The following CENPT variants were observed in gnomAD, a reference collection of about 807,000 sequenced individuals.
CENPT encodes centromere protein T.
Under a neutral mutation model 59.7 loss-of-function variants are expected in CENPT, and 42 were observed. The observed-to-expected ratio is 0.70, with a 90% confidence interval of 0.55 to 0.91. The LOEUF (loss-of-function observed/expected upper bound fraction) is 0.91. Among genes scored for constraint, CENPT ranks in the 40% least tolerant of loss-of-function variants. The pLI is 0.00. For synonymous variants in CENPT, 295 were observed against 289.6 expected (o/e 1.02, Z -0.19); for missense variants, 716 against 713.4 (o/e 1.00, Z -0.04).
rs752335935 is a variant in CENPT at position 67,831,887 on chromosome 16, C to T, written c.390G>A (p.Leu130=). ...PSRQESSCGS[L]ELQLPELEPP... ...GCTCGAGCTCAGGAAGTTGCAGCTC[C>T]AGGCTATAAGAATGGAGCTTATCTC... is the stretch of plus-strand genomic sequence containing the variant. Residue 130 remains leucine, a synonymous_variant, in exon 8 of 16, where the codon CTG becomes CTA. Coordinates refer to ENST00000562787, the MANE Select transcript of CENPT (RefSeq NM_025082.4). The T allele has an allele frequency of 4.3e-6, 7 of 1,611,358 alleles. No homozygotes were observed. Among genetic ancestry groups the T allele is most frequent in the Non-Finnish European group, 5.9e-6 (7 of 1,179,244 alleles).
Position 67,840,571 on chromosome 16 carries a change from G to A in CENPT, c.-491-4913C>T, listed in dbSNP as rs370992121. ...CATGAACACAAAGAAGACAACAACA[G>A]ACACTGGGGTCTAATTGCGGGGGGC... is the stretch of plus-strand genomic sequence containing the variant. On this transcript the variant is annotated intron_variant, in intron 1 of 15. Coordinates refer to ENST00000562787, the MANE Select transcript of CENPT (RefSeq NM_025082.4). Among the ~76,000 whole-genome samples, 34 of 149,590 alleles carry A rather than the reference G, an allele frequency of 2.3e-4. No homozygotes were observed. In the East Asian group the frequency reaches 3.8e-3, roughly 17 times the overall value.
In CENPT at chr16:67,842,408, C is replaced by G; in HGVS notation, c.-492+4993G>C. On this transcript the variant is annotated intron_variant, in intron 1 of 15. Coordinates refer to ENST00000562787, the MANE Select transcript of CENPT (RefSeq NM_025082.4). This position sits in a 1 kb window ranked among gnomAD's most constrained non-coding sequence, Gnocchi z 4.9. Reference sequence around the variant, plus strand: ...CGTATTCTGGGCACGGGGCGCCGGGCGGGCCGGCTGCGCCGAGCGGCAGTG... The same window carrying G: ...CGTATTCTGGGCACGGGGCGCCGGGGGGGCCGGCTGCGCCGAGCGGCAGTG... 1 of 449,034 alleles carries G rather than the reference C, an allele frequency of 2.2e-6. No individual in the cohort carries two copies. Among genetic ancestry groups the G allele is most frequent in the Non-Finnish European group, 3.3e-6 (1 of 304,386 alleles). The allele number at this position is 449,034 out of a possible 1,614,324, so 27.8% of individuals were successfully genotyped here. A position where few individuals can be genotyped will look rare whatever the true frequency, so the allele number is the denominator to read the frequency against.
rs1215140897 is a variant in CENPT, at chr16:67,842,809, C to T, written c.-492+4592G>A. 6.2e-7 allele frequency: 1 copy of T among 1,610,864 alleles called. No individual in the cohort carries two copies. ...CCACCATCTTCCCGCTGCGCGGCGT[C>T]AATGAGCGCAAAGTAGCGCGCAGAC... On this transcript the variant is annotated intron_variant, in intron 1 of 15. Coordinates refer to ENST00000562787, the MANE Select transcript of CENPT (RefSeq NM_025082.4). This position sits in a 1 kb window ranked among gnomAD's most constrained non-coding sequence, Gnocchi z 4.9.
In CENPT at chr16:67,828,749, C is replaced by A; in HGVS notation, c.1375G>T (p.Gly459Ter). 1.2e-6 allele frequency: 2 copies of A among 1,613,440 alleles called. No homozygotes were observed. Among genetic ancestry groups the A allele is most frequent in the Non-Finnish European group, 1.7e-6 (2 of 1,179,860 alleles). Reference protein sequence around the residue: ...PRPRQDPHKAGLSHYVKLFSF... With the variant: ...PRPRQDPHKA ...AAGAGTTTCACATAGTGGCTCAGTC[C>A]AGCCTTGTGGGGATCTTGCCGGGGC... The change falls in exon 14 of 16, where the codon GGA becomes TGA. Residue 459 changes from glycine (G) to a stop codon, truncating the protein, a stop_gained. Transcript: ENST00000562787. LOFTEE classifies it high-confidence loss of function.
intron 3 of CENPT, among the ~76,000 whole-genome samples, chr16:67,834,934 T>C (rs963656464): frequency 7.2e-5 from 11 of 152,106 alleles, no homozygotes; most frequent in African/African-American, 2.4e-4. Context: ...CTCCACCTCC[T>C]GGGTTCAAGC....
chr16:67,837,335 A>G lies in CENPT; in HGVS notation c.-491-1677T>C, dbSNP rs187062811. ...ATTACCGGAGTGAGTCACCATGCCC[A>G]GCTAATTATTGTATTTTACGTACAG... On this transcript the variant is annotated intron_variant, in intron 1 of 15. Coordinates refer to ENST00000562787, the MANE Select transcript of CENPT (RefSeq NM_025082.4). Among the ~76,000 whole-genome samples, 600 of 152,076 alleles carry G rather than the reference A, an allele frequency of 3.9e-3. 6 individuals are homozygous for G. Among genetic ancestry groups the G allele is most frequent in the African/African-American group, 0.013 (551 of 41,474 alleles).
intron 1 of CENPT, 69 bp downstream of exon 1, chr16:67,847,332 C>T (rs915381180): frequency 6.6e-6 from 1 of 152,456 alleles, no homozygotes; most frequent in African/African-American, 2.4e-5. Context: ...CTGGCCCGGC[C>T]TGCGCGAGCC....
chr16:67,843,295 C>T lies in CENPT; in HGVS notation c.-492+4106G>A, dbSNP rs770973731. ...ATACTGGCTCCGACCATTCGTACTC[C>T]TTGTCGTCAGGCACCACGGAGGAGG... On this transcript the variant is annotated intron_variant, in intron 1 of 15. Transcript: ENST00000562787. The surrounding 1 kb of genome is among the most constrained non-coding windows in gnomAD (Gnocchi z 5.7). 4 of 1,613,746 alleles carry T rather than the reference C, an allele frequency of 2.5e-6. No individual in the cohort carries two copies. The highest frequency in any genetic ancestry group is 1.1e-5 in the South Asian group (1 of 91,088).
intron 11 of CENPT, 99 bp from the exon 12 acceptor site, chr16:67,830,187 A>C (rs780726253): frequency 5.3e-6 from 7 of 1,321,664 alleles, no homozygotes; most frequent in Non-Finnish European, 7.5e-6. Flanking sequence ...AGTCCTGCCC[A>C]CTGAGGAAAG....
rs565457121 is a variant in CENPT, at chr16:67,842,063, C to G, written c.-492+5338G>C. 14 of 152,530 alleles carry G rather than the reference C, an allele frequency of 9.2e-5. No homozygotes were observed. The East Asian group carries it at 2.7e-3, about 29-fold the overall frequency. 9.4% of individuals were successfully genotyped at this position (152,530 alleles called of 1,614,324 possible). A position where few individuals can be genotyped will look rare whatever the true frequency, so the allele number is the denominator to read the frequency against. On this transcript the variant is annotated intron_variant, in intron 1 of 15. Transcript: ENST00000562787. This position sits in a 1 kb window ranked among gnomAD's most constrained non-coding sequence, Gnocchi z 4.9. ...GCTTGCGCACCGGTGAGGCGCGCAC[C>G]GCCCCGCTCCACGCCCCTATCAGGA...
intron 1 of CENPT, among the ~76,000 whole-genome samples, chr16:67,846,229 A>C (rs1242117450): frequency 6.6e-6 from 1 of 152,248 alleles, no homozygotes. Context: ...ATAAAAATGA[A>C]ACACTTAGCT....
intron 4 of CENPT, 55 bp from the exon 5 acceptor site, chr16:67,832,600 A>G: frequency 6.7e-7 from 1 of 1,488,326 alleles, no homozygotes; most frequent in Non-Finnish European, 9.3e-7. Context: ...GATAGAGAAT[A>G]TAGAGACATG....
At chr16:67,828,888 G>A (rs1315904753) in intron 13 of CENPT, 45 bp from the exon 14 acceptor site, 46 of 1,532,934 alleles carry the variant, frequency 3.0e-5, no homozygotes, top group Non-Finnish European at 4.0e-5. Context: ...GCCTCAAGGA[G>A]GCTCTTATTC....
intron 1 of CENPT, among the ~76,000 whole-genome samples, chr16:67,836,968 C>T (rs530463575): frequency 1.1e-3 from 168 of 152,210 alleles, no homozygotes; most frequent in African/African-American, 3.8e-3. Flanking sequence ...GTCTCGATCT[C>T]CTGACCTTGT....
chr16:67,830,193 G>A, intron 11 of CENPT, 105 bp from the exon 12 acceptor site: 1 of 1,286,766 alleles, frequency 7.8e-7, no homozygotes, highest in East Asian at 2.4e-5. Flanking sequence ...GCCCACTGAG[G>A]AAAGACAAAG....
At chr16:67,847,350 C>G (rs942850573) in intron 1 of CENPT, 51 bp downstream of exon 1, 2 of 152,416 alleles carry the variant, frequency 1.3e-5, no homozygotes, top group Admixed American at 6.5e-5. Flanking sequence ...GCCCCGCAAG[C>G]TCTGCAGGCT....
At position 67,828,169 on chromosome 16, in the gene CENPT, C is replaced by T. The variant is rs559459979; in HGVS notation, c.*98G>A. 5 of 1,491,182 alleles carry T rather than the reference C, an allele frequency of 3.4e-6. No individual in the cohort carries two copies. Among genetic ancestry groups the T allele is most frequent in the African/African-American group, 1.4e-5 (1 of 69,454 alleles). The allele number at this position is 1,491,182 out of a possible 1,614,324, so 92.4% of individuals were successfully genotyped here. On this transcript the variant is annotated 3_prime_UTR_variant, in exon 16 of 16. Transcript: ENST00000562787. Reference sequence around the variant, plus strand: ...AAAATGCAGAATATTCTGTTTATGACACTTTATTGATGCTGGGGGGGTGGG... The same window carrying T: ...AAAATGCAGAATATTCTGTTTATGATACTTTATTGATGCTGGGGGGGTGGG...
In CENPT at chr16:67,828,365, A is replaced by G. The variant is rs1818754710; in HGVS notation, c.1588T>C (p.Ser530Pro). The change falls in exon 16 of 16, where the codon TCA (serine) becomes CCA (proline). Residue 530 changes from serine to proline, a missense_variant. Physicochemically the swap from Ser to Pro is moderately conservative, Grantham distance 74 (BLOSUM62 -1). Coordinates refer to ENST00000562787, the MANE Select transcript of CENPT (RefSeq NM_025082.4). The stretch of plus-strand genomic sequence containing the variant: ...TGCCGCTCCACTAGCACGTGCAGTG[A>G]GACTTGGTCAGTGACCAGGCCCTGC... The part of the protein sequence containing the change: ...RRQGLVTDQV[S>P]LHVLVERHLP... 2 of 1,609,720 alleles carry G rather than the reference A, an allele frequency of 1.2e-6. No individual in the cohort carries two copies. The highest frequency in any genetic ancestry group is 1.7e-6 in the Non-Finnish European group (2 of 1,176,742).
chr16:67,846,696 G>A (rs2057801875), intron 1 of CENPT: 2 of 152,570 alleles, frequency 1.3e-5, no homozygotes, highest in East Asian at 3.8e-4. Flanking sequence ...CCAACCTCTA[G>A]TGTTCCAGAG....
Sources: gnomAD v4.1 joint callset for allele counts (sites outside exome capture counted in the v4.1 genomes callset) on GRCh38, gnomAD v4.1.1 for gene constraint, Gnocchi (gnomAD v3.1) non-coding constraint, MANE v1.5 for transcripts, NCBI Gene and HGNC (gene_info 2026-07-23, HGNC 2026-07-21) for gene names.